Variants in HECW2 observed in about 807,000 individuals in gnomAD.
HECW2 encodes the protein E3 ubiquitin-protein ligase HECW2.
In HECW2, 61 loss-of-function variants were observed where a neutral mutation model predicts 175.2. That is an observed-to-expected ratio of 0.35 (90% CI 0.28 to 0.43). The LOEUF is 0.43. HECW2 is among the 20% of genes least tolerant of loss of function. The pLI is 1.00. For synonymous variants in HECW2, 671 were observed against 731.0 expected (o/e 0.92, Z 1.32); for missense variants, 1,524 against 2,000.5 (o/e 0.76, Z 4.54).
chr2:196,381,927 T>C (rs1459150920), intron 2 of HECW2, among the ~76,000 whole-genome samples: 1 of 152,198 alleles, frequency 6.6e-6, no homozygotes, highest in Non-Finnish European at 1.5e-5. Flanking sequence ...TATTTGTTTG[T>C]AATAGAGAAA....
At chr2:196,440,229 T>G (rs1467738412) in intron 1 of HECW2, among the ~76,000 whole-genome samples, 2 of 152,218 alleles carry the variant, frequency 1.3e-5, no homozygotes, top group East Asian at 1.9e-4. Context: ...TAATTAAAAT[T>G]GACTATGCCA....
chr2:196,476,470 A>G (rs1234729507), intron 1 of HECW2, among the ~76,000 whole-genome samples: 1 of 151,970 alleles, frequency 6.6e-6, no homozygotes, highest in Admixed American at 6.6e-5. Context: ...GCAGGCGACA[A>G]TGGCACATCT....
chr2:196,317,513 AAAGAAGAGAATAGGAGGTG>A, intron 9 of HECW2, 144 bp from the exon 10 acceptor site: 1 of 651,384 alleles, frequency 1.5e-6, no homozygotes, highest in Non-Finnish European at 2.7e-6. Context: ...CCTAGAAACA[AAAGAAGAGAATAGGAGGTG>A]AATGCTTAGA....
chr2:196,480,050 C>T (rs1686788698), intron 1 of HECW2, among the ~76,000 whole-genome samples: 1 of 152,152 alleles, frequency 6.6e-6, no homozygotes, highest in Admixed American at 6.5e-5. Context: ...CTGCCACTCC[C>T]CCCAAAATAC....
At chr2:196,209,850 G>A (rs149101594) in intron 28 of HECW2, among the ~76,000 whole-genome samples, 2,137 of 150,266 alleles carry the variant, frequency 0.014, 54 homozygotes, top group African/African-American at 0.049. Context: ...TGCAAGCTCC[G>A]CCTCCCGGGC....
intron 2 of HECW2, among the ~76,000 whole-genome samples, chr2:196,346,165 C>A (rs1692947176): frequency 6.6e-6 from 1 of 152,174 alleles, no homozygotes; most frequent in Non-Finnish European, 1.5e-5. Flanking sequence ...AAAAGTTGTA[C>A]CTGTTAATGT....
intron 1 of HECW2, among the ~76,000 whole-genome samples, chr2:196,489,603 A>T (rs1687119742): frequency 6.6e-6 from 1 of 152,228 alleles, no homozygotes; most frequent in Non-Finnish European, 1.5e-5. Flanking sequence ...ACAGACCACA[A>T]GCCTGTTTCA....
intron 1 of HECW2, among the ~76,000 whole-genome samples, chr2:196,591,910 GTC>G (rs1311557335): frequency 6.6e-6 from 1 of 152,130 alleles, no homozygotes; most frequent in Non-Finnish European, 1.5e-5. Context: ...TAATGTGTGT[GTC>G]ATTTTAAAGA....
At chr2:196,509,304 A>T (rs931425491) in intron 1 of HECW2, among the ~76,000 whole-genome samples, 3 of 152,168 alleles carry the variant, frequency 2.0e-5, no homozygotes. Context: ...CCTTCCTGTA[A>T]GCCTCCATGT....
At chr2:196,265,778 G>A (rs1689489540) in intron 17 of HECW2, among the ~76,000 whole-genome samples, 1 of 152,124 alleles carries the variant, frequency 6.6e-6, no homozygotes, top group Non-Finnish European at 1.5e-5. Context: ...AAAAGATGCT[G>A]GAAGTTAGAA....
At chr2:196,266,711 C>A (rs180813998) in intron 17 of HECW2, among the ~76,000 whole-genome samples, 1 of 152,252 alleles carries the variant, frequency 6.6e-6, no homozygotes, top group Admixed American at 6.5e-5. Context: ...ATTTTGAACA[C>A]TAGGGTTTAT....
intron 19 of HECW2, among the ~76,000 whole-genome samples, chr2:196,248,576 TGA>T (rs60292936): frequency 7.1e-6 from 1 of 140,984 alleles, no homozygotes; most frequent in Non-Finnish European, 1.5e-5. Context: ...GAGGGACAGA[TGA>T]GAGAGAGAGA....
intron 1 of HECW2, among the ~76,000 whole-genome samples, chr2:196,441,974 T>C (rs1696057176): frequency 6.6e-6 from 1 of 152,010 alleles, no homozygotes; most frequent in African/African-American, 2.4e-5. Context: ...TATGTTATAA[T>C]CCACAACATA....
chr2:196,397,346 C>G (rs754901823), intron 2 of HECW2, among the ~76,000 whole-genome samples: 4 of 152,108 alleles, frequency 2.6e-5, no homozygotes, highest in Non-Finnish European at 5.9e-5. Context: ...ACATTCATAT[C>G]TGGAAGGGCT....
At chr2:196,385,064 C>A (rs1694309480) in intron 2 of HECW2, among the ~76,000 whole-genome samples, 1 of 151,836 alleles carries the variant, frequency 6.6e-6, no homozygotes, top group Non-Finnish European at 1.5e-5. Context: ...CTGTAGGCAC[C>A]AGTTACCATG....
intron 7 of HECW2, among the ~76,000 whole-genome samples, chr2:196,321,385 TTC>T (rs1231213424): frequency 5.9e-5 from 3 of 50,616 alleles, no homozygotes; most frequent in Non-Finnish European, 1.5e-4. Flanking sequence ...CTTATTCTTT[TTC>T]TCTCTTTTTT....
chr2:196,323,013 T>C lies in HECW2; in HGVS notation c.742-393A>G, dbSNP rs534505937. 2.0e-5 allele frequency among the ~76,000 whole-genome samples: 3 copies of C among 152,376 alleles called. 1 individual carries two copies. The South Asian group carries it at 6.2e-4, about 32-fold the overall frequency. ...GATTAGAATTAACTAGTATATTTGA[T>C]TGACAATTTGAATTCCTAATCTCAT... On this transcript the variant is annotated intron_variant, in intron 6 of 28. Coordinates refer to ENST00000644978, the MANE Select transcript of HECW2 (RefSeq NM_001348768.2).
In HECW2 at chr2:196,550,723, ATTTTTCC is replaced by A. The variant is rs565512295; in HGVS notation, c.-36+42778_-36+42784del. Among the ~76,000 whole-genome samples the A allele has an allele frequency of 4.7e-3, 710 of 152,270 alleles. 8 individuals are homozygous for A. Among genetic ancestry groups the A allele is most frequent in the African/African-American group, 0.016 (680 of 41,560 alleles). On this transcript the variant is annotated intron_variant, in intron 1 of 28. Coordinates refer to ENST00000644978, the MANE Select transcript of HECW2 (RefSeq NM_001348768.2). ...TGCAGAGACCACCTTGTGGCAATAA[ATTTTTCC>A]TTACAGTGTCATTTTAAATGGCAAA...
intron 1 of HECW2, among the ~76,000 whole-genome samples, chr2:196,467,488 G>A (rs1457730294): frequency 1.3e-5 from 2 of 152,126 alleles, no homozygotes; most frequent in Non-Finnish European, 2.9e-5. Flanking sequence ...AGGAAGACAC[G>A]GAGGCTCAAG....
Sources: gnomAD v4.1 joint callset for allele counts (sites outside exome capture counted in the v4.1 genomes callset) on GRCh38, gnomAD v4.1.1 for gene constraint, MANE v1.5 for transcripts, NCBI Gene and HGNC (gene_info 2026-07-23, HGNC 2026-07-21) for gene names.